Variants in TMEM131 observed in about 807,000 individuals in gnomAD.
TMEM131 encodes transmembrane protein 131, also known as 2610524E03Rik.
In TMEM131, 66 loss-of-function variants were observed where a neutral mutation model predicts 211.6. The ratio of observed to expected loss-of-function variants is 0.31; its 90% CI spans 0.26 to 0.38. TMEM131 has a LOEUF of 0.38. Among genes scored for constraint, TMEM131 ranks in the 10% least tolerant of loss-of-function variants. The pLI is 1.00. For missense variants in TMEM131, 2,036 were observed against 2,299.3 expected, an observed-to-expected ratio of 0.89 and a Z score of 2.34; for synonymous variants, 844 against 841.3, an observed-to-expected ratio of 1.00 and a Z score of -0.06.
At chr2:97,874,168 TAGAGAA>T in intron 4 of TMEM131, among the ~76,000 whole-genome samples, 1 of 135,910 alleles carries the variant, frequency 7.4e-6, no homozygotes, top group Admixed American at 7.2e-5. Flanking sequence ...AAGACAAGAT[TAGAGAA>T]AAAGGAATAA....
chr2:97,904,885 A>G (rs972102245), intron 3 of TMEM131, among the ~76,000 whole-genome samples: 5 of 151,902 alleles, frequency 3.3e-5, no homozygotes, highest in Non-Finnish European at 7.4e-5. Flanking sequence ...ACTACTTTAC[A>G]TAACATCTAA....
At chr2:97,917,949 T>C (rs71429376) in intron 2 of TMEM131, among the ~76,000 whole-genome samples, 49,288 of 147,148 alleles carry the variant, frequency 0.33, 8,898 homozygotes, top group Non-Finnish European at 0.39. Flanking sequence ...TTTTCTCTCT[T>C]TTTTTTTTTT....
intron 1 of TMEM131, among the ~76,000 whole-genome samples, chr2:97,930,830 A>G (rs528266109): frequency 6.6e-6 from 1 of 151,832 alleles, no homozygotes; most frequent in Non-Finnish European, 1.5e-5. Context: ...ATGAATCCCA[A>G]ACTTTCCTGA....
chr2:97,772,180 G>C, intron 33 of TMEM131, 117 bp downstream of exon 33: 1 of 1,193,140 alleles, frequency 8.4e-7, no homozygotes. Context: ...CCTGGATTTT[G>C]CTATCAACTC....
intron 4 of TMEM131, among the ~76,000 whole-genome samples, chr2:97,869,309 G>A (rs1674397430): frequency 6.6e-6 from 1 of 152,228 alleles, no homozygotes; most frequent in African/African-American, 2.4e-5. Context: ...GCCTCCTGCA[G>A]GAGAGGGCTG....
chr2:97,836,970 G>T, intron 8 of TMEM131, 107 bp downstream of exon 8: 1 of 823,906 alleles, frequency 1.2e-6, no homozygotes, highest in Non-Finnish European at 2.0e-6. Flanking sequence ...CGATTAAAGA[G>T]AAGTCATCCA....
intron 11 of TMEM131, among the ~76,000 whole-genome samples, chr2:97,830,164 C>T (rs1434655643): frequency 8.1e-6 from 1 of 122,714 alleles, no homozygotes; most frequent in East Asian, 2.0e-4. Context: ...AAACCAAACC[C>T]AAATTGTTAA....
intron 25 of TMEM131, 123 bp downstream of exon 25, chr2:97,801,772 C>T: frequency 4.7e-6 from 3 of 633,336 alleles, no homozygotes; most frequent in Non-Finnish European, 7.8e-6. Flanking sequence ...CTGGACTGCT[C>T]TGACTTCTTC....
chr2:97,955,501 T>C (rs987106432), intron 1 of TMEM131, among the ~76,000 whole-genome samples: 1 of 152,142 alleles, frequency 6.6e-6, no homozygotes, highest in Non-Finnish European at 1.5e-5. Context: ...AGAATAAAAT[T>C]GTCCGTATTG....
chr2:97,793,264 G>C, intron 30 of TMEM131, 131 bp downstream of exon 30: 1 of 904,578 alleles, frequency 1.1e-6, no homozygotes, highest in Non-Finnish European at 1.7e-6. Flanking sequence ...TCCATACAGG[G>C]TGTTATTAAG....
chr2:97,794,239 T>C (rs1559363541), intron 29 of TMEM131, among the ~76,000 whole-genome samples: 2 of 151,990 alleles, frequency 1.3e-5, no homozygotes, highest in Admixed American at 1.3e-4. Flanking sequence ...TTTCACCATG[T>C]TGGCAAGGCT....
intron 11 of TMEM131, among the ~76,000 whole-genome samples, chr2:97,821,361 A>G (rs1275688910): frequency 1.3e-5 from 2 of 152,212 alleles, no homozygotes; most frequent in East Asian, 3.9e-4. Context: ...ACACTGTAAA[A>G]TGGACCAATC....
In TMEM131 at chr2:97,792,631, T is replaced by C. The variant is rs1379715330; in HGVS notation, c.3899A>G (p.Gln1300Arg). Reference protein sequence around the residue: ...SQHHAHSPLEQHPQPPLPPPV... With the variant: ...SQHHAHSPLERHPQPPLPPPV... ...CGGTGGCAGAGGAGGCTGAGGGTGCTGCTCCAGCGGGCTGTGGGCATGGTG... is the reference window on the plus strand; with the variant it reads ...CGGTGGCAGAGGAGGCTGAGGGTGCCGCTCCAGCGGGCTGTGGGCATGGTG... Residue 1300 changes from glutamine to arginine, a missense_variant, in exon 31 of 41, where the codon CAG becomes CGG. Transcript: ENST00000186436. 1.9e-6 allele frequency: 3 copies of C among 1,613,442 alleles called. No homozygotes were observed. The highest frequency in any genetic ancestry group is 4.5e-5 in the East Asian group (2 of 44,882).
intron 3 of TMEM131, among the ~76,000 whole-genome samples, chr2:97,889,439 T>A (rs970548235): frequency 2.0e-5 from 3 of 152,072 alleles, no homozygotes; most frequent in Non-Finnish European, 2.9e-5. Context: ...AAACAAGAGA[T>A]GCTCCTCAGC....
At chr2:97,878,194 G>C (rs899350048) in intron 4 of TMEM131, among the ~76,000 whole-genome samples, 1 of 152,172 alleles carries the variant, frequency 6.6e-6, no homozygotes, top group South Asian at 2.1e-4. Context: ...AAAAAGTCAG[G>C]AAACAACAGA....
At position 97,790,539 on chromosome 2, in the gene TMEM131, T is replaced by C. The variant is rs548381915; in HGVS notation, c.4144+1847A>G. The stretch of plus-strand genomic sequence containing the variant: ...AAAGCATTTCATTTTAAAATTTAGG[T>C]TCTCAATGAGTGACCCTGAAAATAG... On this transcript the variant is annotated intron_variant, in intron 31 of 40. Coordinates refer to ENST00000186436, the MANE Select transcript of TMEM131 (RefSeq NM_015348.2). Among the ~76,000 whole-genome samples the C allele has an allele frequency of 2.8e-3, 428 of 152,344 alleles. 7 individuals carry two copies. The highest frequency in any genetic ancestry group is 4.5e-3 in the Non-Finnish European group (306 of 68,026).
At chr2:97,882,648 G>C (rs1052541575) in intron 4 of TMEM131, among the ~76,000 whole-genome samples, 3 of 152,212 alleles carry the variant, frequency 2.0e-5, no homozygotes, top group Non-Finnish European at 2.9e-5. Flanking sequence ...CCCTGGCCCT[G>C]TGGGCTTTGA....
Position 97,792,610 on chromosome 2 carries a change from G to A in TMEM131, c.3920C>T (p.Pro1307Leu), listed in dbSNP as rs1291716175. Residue 1307 changes from proline to leucine, a missense_variant, in exon 31 of 41, where the codon CCA (proline) becomes CTA (leucine). By Grantham distance (98) the Pro-to-Leu change is moderately conservative. This residue lies in a region of TMEM131 where 1,623 missense variants were observed against 1,805.9 expected (regional missense o/e 0.90). Transcript: ENST00000186436. The stretch of plus-strand genomic sequence containing the variant: ...CTCCTGGGGCTGAGGCACTGGCGGT[G>A]GCAGAGGAGGCTGAGGGTGCTGCTC... ...PLEQHPQPPL[P>L]PPVPQPQEPQ... 1 of 1,612,880 alleles carries A rather than the reference G, an allele frequency of 6.2e-7. No homozygotes were observed. The highest frequency in any genetic ancestry group is 8.5e-7 in the Non-Finnish European group (1 of 1,179,428).
chr2:97,870,646 T>C (rs1674452934), intron 4 of TMEM131, among the ~76,000 whole-genome samples: 1 of 152,204 alleles, frequency 6.6e-6, no homozygotes, highest in Non-Finnish European at 1.5e-5. Context: ...GCAAGTTTCC[T>C]ACACCACAGA....
Sources: allele counts gnomAD v4.1 joint callset (sites outside exome capture counted in the v4.1 genomes callset), GRCh38; gene constraint gnomAD v4.1.1; regional missense constraint gnomAD v4.1.1; transcripts MANE v1.5; gene names NCBI Gene and HGNC (gene_info 2026-07-23, HGNC 2026-07-21).